Variants in CREB3L2 observed in about 807,000 individuals in gnomAD.
The protein encoded by CREB3L2 is cAMP responsive element binding protein 3 like 2.
CREB3L2 carries 23 observed loss-of-function variants against 57.2 expected under a neutral mutation model. The observed-to-expected ratio is 0.40, with a 90% CI of 0.29 to 0.57. The LOEUF is 0.57. CREB3L2 is among the 20% of genes least tolerant of loss of function. The pLI, the probability that CREB3L2 is intolerant of heterozygous loss-of-function variation, is 0.42. For missense variants in CREB3L2, 628 were observed against 634.7 expected (o/e 0.99, Z 0.11); for synonymous variants, 268 against 265.1 (o/e 1.01, Z -0.11).
intron 1 of CREB3L2, among the ~76,000 whole-genome samples, chr7:137,995,847 G>C (rs1055076955): frequency 1.9e-4 from 29 of 152,182 alleles, no homozygotes; most frequent in African/African-American, 6.8e-4. Context: ...TCGAGAAGGA[G>C]GGCAAATATA....
chr7:137,926,646 C>T (rs1800466751), intron 2 of CREB3L2, among the ~76,000 whole-genome samples: 1 of 151,994 alleles, frequency 6.6e-6, no homozygotes, highest in South Asian at 2.1e-4. Flanking sequence ...TAGGTGCAGC[C>T]ACCTTCAAAA....
At chr7:137,972,055 T>TA (rs566891732) in intron 1 of CREB3L2, among the ~76,000 whole-genome samples, 5 of 152,108 alleles carry the variant, frequency 3.3e-5, no homozygotes, top group South Asian at 4.2e-4. Flanking sequence ...GAAGTATTCA[T>TA]AAAAAAAATC....
chr7:137,988,322 C>T (rs1047563679), intron 1 of CREB3L2, among the ~76,000 whole-genome samples: 2 of 152,254 alleles, frequency 1.3e-5, no homozygotes, highest in Non-Finnish European at 1.5e-5. Context: ...TTTGCGGGTC[C>T]TGAAACCTGG....
intron 8 of CREB3L2, among the ~76,000 whole-genome samples, chr7:137,890,023 T>C (rs1179511173): frequency 2.6e-5 from 4 of 152,280 alleles, no homozygotes; most frequent in Admixed American, 1.3e-4. Flanking sequence ...ATAAAGCATG[T>C]CTTAGTTAAG....
intron 8 of CREB3L2, among the ~76,000 whole-genome samples, chr7:137,891,092 C>A (rs1044142607): frequency 2.0e-5 from 3 of 152,222 alleles, no homozygotes; most frequent in Non-Finnish European, 4.4e-5. Context: ...AGATTTTTCA[C>A]AATTTGTTAA....
At position 137,889,765 on chromosome 7, in the gene CREB3L2, C is replaced by T. The variant is rs145650534; in HGVS notation, c.1044-4263G>A. On this transcript the variant is annotated intron_variant, in intron 8 of 11. Coordinates refer to ENST00000330387, the MANE Select transcript of CREB3L2 (RefSeq NM_194071.4). ...CAATAGAGTTTGGGAAATTCACACA[C>T]ATCCATACAACAGAAACACTCCTTT... 4.1e-3 allele frequency among the ~76,000 whole-genome samples: 623 copies of T among 152,268 alleles called. 1 individual carries two copies. The highest frequency in any genetic ancestry group is 6.2e-3 in the Non-Finnish European group (424 of 68,018).
intron 2 of CREB3L2, among the ~76,000 whole-genome samples, chr7:137,923,317 T>C (rs1044221658): frequency 6.6e-6 from 1 of 152,168 alleles, no homozygotes; most frequent in African/African-American, 2.4e-5. Context: ...TTTTATCTGT[T>C]TGGAAAAAAG....
chr7:137,934,980 A>T (rs777186171), intron 1 of CREB3L2, among the ~76,000 whole-genome samples: 3 of 152,206 alleles, frequency 2.0e-5, no homozygotes, highest in Non-Finnish European at 4.4e-5. Flanking sequence ...CTATCCCATA[A>T]AGTTTTGTCT....
chr7:137,969,791 C>T (rs28497574), intron 1 of CREB3L2, among the ~76,000 whole-genome samples: 7 of 148,560 alleles, frequency 4.7e-5, no homozygotes, highest in South Asian at 4.2e-4. Flanking sequence ...CACACACACA[C>T]ACAACATACA....
intron 1 of CREB3L2, among the ~76,000 whole-genome samples, chr7:137,989,209 C>G (rs977466067): frequency 3.9e-5 from 6 of 152,144 alleles, no homozygotes; most frequent in Admixed American, 1.3e-4. Flanking sequence ...AACCAGGCCT[C>G]TCCTTCCCAG....
chr7:137,962,673 G>A (rs1306083119), intron 1 of CREB3L2, among the ~76,000 whole-genome samples: 16 of 151,956 alleles, frequency 1.1e-4, no homozygotes, highest in Non-Finnish European at 2.9e-5. Context: ...CCCCATCGTG[G>A]TTTATTGTTC....
At position 137,980,046 on chromosome 7, in the gene CREB3L2, A is replaced by C. The variant is rs1206441591; in HGVS notation, c.102+21558T>G. ...CTAGCCAGCAGTTCTCAAATTTTAC[A>C]TGCACATGGATCATCTGGGGATCTT... is the stretch of plus-strand genomic sequence containing the variant. On this transcript the variant is annotated intron_variant, in intron 1 of 11. Transcript: ENST00000330387. The surrounding 1 kb of genome is among the most constrained non-coding windows in gnomAD (Gnocchi z 4.3). Among the ~76,000 whole-genome samples, 1 of 152,210 alleles carries C rather than the reference A, an allele frequency of 6.6e-6. No individual in the cohort carries two copies. The highest frequency in any genetic ancestry group is 1.5e-5 in the Non-Finnish European group (1 of 68,042).
intron 1 of CREB3L2, among the ~76,000 whole-genome samples, chr7:137,947,370 C>T (rs1023619936): frequency 2.6e-5 from 4 of 152,164 alleles, no homozygotes; most frequent in Non-Finnish European, 5.9e-5. Flanking sequence ...CCTACACCCT[C>T]GCTTCTCTGG....
rs530207081 is a variant in CREB3L2 at position 137,934,074 on chromosome 7, TAAC to T, written c.103-5711_103-5709del. On this transcript the variant is annotated intron_variant, in intron 1 of 11. Transcript: ENST00000330387. ...AATTCCTTCAAAGGCAATGGCATAA[TAAC>T]ATTTTAGCATTCTAATATTTGAATC... Among the ~76,000 whole-genome samples, 7 of 152,370 alleles carry T rather than the reference TAAC, an allele frequency of 4.6e-5. No individual in the cohort carries two copies. In the East Asian group the frequency reaches 1.2e-3, roughly 25 times the overall value.
At chr7:137,896,960 G>A (rs967894654) in intron 8 of CREB3L2, among the ~76,000 whole-genome samples, 1 of 152,214 alleles carries the variant, frequency 6.6e-6, no homozygotes, top group African/African-American at 2.4e-5. Context: ...CTGGGCACTG[G>A]AAGTGGGAGA....
chr7:137,907,515 T>C (rs1179606232), intron 5 of CREB3L2, among the ~76,000 whole-genome samples: 2 of 152,242 alleles, frequency 1.3e-5, no homozygotes, highest in South Asian at 4.1e-4. Context: ...ACAGAATCAA[T>C]ACAAATTTTC....
rs778995750 is a variant in CREB3L2 at position 137,875,688 on chromosome 7, T to C, written c.*4788A>G. On this transcript the variant is annotated 3_prime_UTR_variant, in exon 12 of 12. Coordinates refer to ENST00000330387, the MANE Select transcript of CREB3L2 (RefSeq NM_194071.4). ...GCTCACAGGAAGGAATCGGCTCAGC[T>C]AGTCCAGAAATTGCTGCATTTCCCA... The C allele has an allele frequency of 1.4e-5, 3 of 209,428 alleles. No homozygotes were observed. Among genetic ancestry groups the C allele is most frequent in the Non-Finnish European group, 2.9e-5 (3 of 105,024 alleles). 13.0% of individuals were successfully genotyped at this position (209,428 alleles called of 1,614,324 possible).
intron 1 of CREB3L2, among the ~76,000 whole-genome samples, chr7:137,954,354 TG>T (rs1801165428): frequency 6.6e-6 from 1 of 152,288 alleles, no homozygotes; most frequent in South Asian, 2.1e-4. Flanking sequence ...CTCTTGCAGG[TG>T]GTGACAGCAG....
intron 1 of CREB3L2, among the ~76,000 whole-genome samples, chr7:137,993,297 C>T (rs1010761458): frequency 1.1e-4 from 17 of 152,126 alleles, no homozygotes; most frequent in African/African-American, 4.1e-4. Context: ...GCCTGTGTCC[C>T]TCAACATCAA....
Sources: allele counts gnomAD v4.1 joint callset (sites outside exome capture counted in the v4.1 genomes callset), GRCh38; gene constraint gnomAD v4.1.1; non-coding constraint Gnocchi (gnomAD v3.1); transcripts MANE v1.5; gene names NCBI Gene and HGNC (gene_info 2026-07-23, HGNC 2026-07-21).